SLC9D1: variants seen among roughly 807,000 people sequenced by gnomAD.
The protein encoded by SLC9D1 is solute carrier family 9 member D1.
chr13:113,495,571 G>A, the SLC9D1 span: 3 of 1,526,182 alleles, frequency 2.0e-6, no homozygotes, highest in South Asian at 1.3e-5. Context: ...CCTGCCCTCC[G>A]GACCTGGATC....
chr13:113,528,209 C>G, the SLC9D1 span: 1 of 152,174 alleles, frequency 6.6e-6, no homozygotes, highest in South Asian at 2.1e-4. Flanking sequence ...TGATGAGCGA[C>G]TTTTCGTTGT....
chr13:113,501,534 C>T, the SLC9D1 span, among the ~76,000 whole-genome samples: 1 of 152,126 alleles, frequency 6.6e-6, no homozygotes, highest in African/African-American at 2.4e-5. Flanking sequence ...AATCTTTAGG[C>T]CATGAAAAAC....
At chr13:113,504,823 C>T in the SLC9D1 span, 42 of 152,274 alleles carry the variant, frequency 2.8e-4, no homozygotes, top group African/African-American at 9.6e-4. Context: ...CTTATTTTCC[C>T]CTGGCAGTGG....
chr13:113,541,203 T>G, the SLC9D1 span, among the ~76,000 whole-genome samples: 1 of 152,246 alleles, frequency 6.6e-6, no homozygotes, highest in African/African-American at 2.4e-5. Context: ...CTCTTTATTC[T>G]GCAGGAGGAA....
the SLC9D1 span, among the ~76,000 whole-genome samples, chr13:113,492,133 G>A: frequency 6.6e-6 from 1 of 151,946 alleles, no homozygotes; most frequent in Admixed American, 6.6e-5. Context: ...GGAGCATCAC[G>A]CCCGGCTAAT....
the SLC9D1 span, among the ~76,000 whole-genome samples, chr13:113,512,716 C>T: frequency 6.9e-6 from 1 of 144,690 alleles, no homozygotes; most frequent in South Asian, 2.3e-4. Flanking sequence ...GGTGCTGGAA[C>T]TGGAAGGGGG....
the SLC9D1 span, chr13:113,505,463 T>A: frequency 6.6e-6 from 1 of 152,250 alleles, no homozygotes; most frequent in Non-Finnish European, 1.5e-5. Context: ...AACGGTCAGT[T>A]CAGCTGCGGC....
the SLC9D1 span, chr13:113,510,567 G>C: frequency 2.8e-6 from 2 of 709,946 alleles, no homozygotes; most frequent in Admixed American, 6.1e-5. Flanking sequence ...GTGGATACCA[G>C]GGCTTACATT....
chr13:113,549,337 C>A, the SLC9D1 span: 1 of 1,458,288 alleles, frequency 6.9e-7, no homozygotes, highest in South Asian at 1.2e-5. Context: ...GCGTCCCTCC[C>A]AGCTCAGTGA....
chr13:113,508,689 C>T, the SLC9D1 span, among the ~76,000 whole-genome samples: 3 of 152,174 alleles, frequency 2.0e-5, no homozygotes, highest in Non-Finnish European at 2.9e-5. Flanking sequence ...GCCCGGGCCT[C>T]ATGGGGTTGG....
chr13:113,544,223 C>T, the SLC9D1 span, among the ~76,000 whole-genome samples: 3 of 152,366 alleles, frequency 2.0e-5, no homozygotes, highest in Non-Finnish European at 4.4e-5. Context: ...GTTCCCGCCC[C>T]GAGGCTCGTG....
the SLC9D1 span, chr13:113,495,427 G>A: frequency 1.8e-6 from 1 of 543,340 alleles, no homozygotes; most frequent in Non-Finnish European, 3.2e-6. Flanking sequence ...CAGTTTTTCA[G>A]ATCTGATTAT....
chr13:113,491,137 A>C, the SLC9D1 span: 2 of 152,468 alleles, frequency 1.3e-5, no homozygotes, highest in Non-Finnish European at 2.9e-5. Context: ...GATGCAAGGA[A>C]GCCCTCCGGC....
At chr13:113,528,480 G>A in the SLC9D1 span, 1 of 152,280 alleles carries the variant, frequency 6.6e-6, no homozygotes, top group Non-Finnish European at 1.5e-5. Flanking sequence ...AAGGAATGAA[G>A]GGCTGTTTAC....
the SLC9D1 span, chr13:113,547,245 G>C: frequency 1.3e-5 from 17 of 1,314,286 alleles, no homozygotes; most frequent in Non-Finnish European, 1.8e-5. Context: ...GAGAAATAGT[G>C]TGCGCTGGGG....
At chr13:113,546,580 A>G in the SLC9D1 span, among the ~76,000 whole-genome samples, 2 of 152,148 alleles carry the variant, frequency 1.3e-5, no homozygotes, top group African/African-American at 4.8e-5. This position sits in a 1 kb window ranked among gnomAD's most constrained non-coding sequence, Gnocchi z 7.1. Context: ...GAACGGCAGA[A>G]AGGTCATGGG....
At chr13:113,538,586 G>A in the SLC9D1 span, among the ~76,000 whole-genome samples, 34 of 152,254 alleles carry the variant, frequency 2.2e-4, no homozygotes, top group African/African-American at 2.4e-4. Flanking sequence ...TCCGTCTTTC[G>A]TGGGTCTCTG....
the SLC9D1 span, chr13:113,511,839 G>C: frequency 0.19 from 28,246 of 152,384 alleles, 3,461 homozygotes; most frequent in African/African-American, 0.35. Flanking sequence ...CAGTCACAGC[G>C]TGAACTGCCC....
At chr13:113,535,144 CT>C in the SLC9D1 span, 1 of 152,274 alleles carries the variant, frequency 6.6e-6, no homozygotes, top group Non-Finnish European at 1.5e-5. The surrounding 1 kb of genome is among the most constrained non-coding windows in gnomAD (Gnocchi z 4.1). Context: ...CCATGCTACT[CT>C]GTCTTAAATT....
Sources: gnomAD v4.1 joint callset for allele counts (sites outside exome capture counted in the v4.1 genomes callset) on GRCh38, gnomAD v4.1.1 for gene constraint, Gnocchi (gnomAD v3.1) non-coding constraint, MANE v1.5 for transcripts, NCBI Gene and HGNC (gene_info 2026-07-23, HGNC 2026-07-21) for gene names.